Variants in ABCC2 observed in about 807,000 individuals in gnomAD.
ABCC2 encodes the protein ATP-binding cassette sub-family C member 2.
ABCC2 carries 157 observed loss-of-function variants against 173.4 expected under a neutral mutation model. The observed-to-expected ratio is 0.91, with a 90% CI of 0.80 to 1.03. ABCC2 has a LOEUF of 1.03. ABCC2 is among the 50% of genes least tolerant of loss of function. ABCC2 has a pLI of 0.00. For missense variants in ABCC2, 1,822 were observed against 1,852.3 expected (o/e 0.98, Z 0.30); for synonymous variants, 657 against 693.5 (o/e 0.95, Z 0.83).
chr10:99,807,268 C>A (rs1031415313), intron 11 of ABCC2, 116 bp from the exon 12 acceptor site: 35 of 1,332,880 alleles, frequency 2.6e-5, no homozygotes, highest in Non-Finnish European at 3.7e-5. Flanking sequence ...ACTTTATAAT[C>A]TGGATTTCTA....
At chr10:99,850,498 G>T in intron 30 of ABCC2, 104 bp from the exon 31 acceptor site, 1 of 1,121,228 alleles carries the variant, frequency 8.9e-7, no homozygotes, top group Non-Finnish European at 1.3e-6. Flanking sequence ...AATTTTGGAG[G>T]GGGGGTTTTG....
intron 23 of ABCC2, among the ~76,000 whole-genome samples, 192 bp downstream of exon 23, chr10:99,832,323 C>T (rs1365920251): frequency 6.6e-6 from 1 of 152,148 alleles, no homozygotes; most frequent in East Asian, 1.9e-4. Flanking sequence ...CATCTCTGAC[C>T]CTTCAAGTAG....
At chr10:99,795,382 G>A (rs2037882144) in intron 6 of ABCC2, among the ~76,000 whole-genome samples, 1 of 152,154 alleles carries the variant, frequency 6.6e-6, no homozygotes, top group Non-Finnish European at 1.5e-5. Context: ...GTAGTTATGA[G>A]CATAAGTGAG....
At chr10:99,793,470 C>G in intron 3 of ABCC2, 81 bp from the exon 4 acceptor site, 1 of 1,591,138 alleles carries the variant, frequency 6.3e-7, no homozygotes, top group Non-Finnish European at 8.6e-7. Flanking sequence ...TCCTTTCTTC[C>G]CATGTTCTCT....
At chr10:99,851,392 C>G (rs1053086279) in intron 31 of ABCC2, 110 bp from the exon 32 acceptor site, 42 of 1,300,716 alleles carry the variant, frequency 3.2e-5, no homozygotes, top group Non-Finnish European at 4.4e-5. Context: ...ATTTTCACTG[C>G]TTTGTAGCCT....
chr10:99,819,397 C>T, intron 19 of ABCC2, 128 bp downstream of exon 19: 1 of 938,852 alleles, frequency 1.1e-6, no homozygotes, highest in Non-Finnish European at 1.7e-6. Flanking sequence ...GAGATTCAAA[C>T]TCTGCTTTCT....
chr10:99,814,553 G>GTATATATACATA (rs2038336980), intron 16 of ABCC2, among the ~76,000 whole-genome samples: 4 of 111,850 alleles, frequency 3.6e-5, no homozygotes, highest in Non-Finnish European at 7.8e-5. Context: ...ACACATATGT[G>GTATATATACATA]TATATACACA....
chr10:99,813,291 A>C lies in ABCC2; in HGVS notation c.2094+147A>C, dbSNP rs564325433. The C allele has an allele frequency of 5.2e-5, 60 of 1,163,892 alleles. 1 individual carries two copies. In the African/African-American group the frequency reaches 5.8e-4, roughly 11 times the overall value. The allele number at this position is 1,163,892 out of a possible 1,614,324, so 72.1% of individuals were successfully genotyped here. ...TTTGTGGACTGTGATTCTCCTTCCCATTTCAGCTTTATATAATCAGTTGCT... is the reference window on the plus strand; with the variant it reads ...TTTGTGGACTGTGATTCTCCTTCCCCTTTCAGCTTTATATAATCAGTTGCT... On this transcript the variant is annotated intron_variant, in intron 16 of 31. Transcript: ENST00000647814.
At position 99,849,200 on chromosome 10, in the gene ABCC2, A is replaced by G. The variant is rs550046095; in HGVS notation, c.4314-1402A>G. On this transcript the variant is annotated intron_variant, in intron 30 of 31. Coordinates refer to ENST00000647814, the MANE Select transcript of ABCC2 (RefSeq NM_000392.5). ...AGCTGAGATTGCGCCATTGCACTCCAGCCTGGGAGACAAGAGCGAAACTCC... is the reference window on the plus strand; with the variant it reads ...AGCTGAGATTGCGCCATTGCACTCCGGCCTGGGAGACAAGAGCGAAACTCC... Among the ~76,000 whole-genome samples the G allele has an allele frequency of 2.6e-5, 4 of 152,330 alleles. No individual in the cohort carries two copies. The South Asian group carries it at 8.3e-4, about 32-fold the overall frequency.
chr10:99,826,001 T>C (rs908594788), intron 19 of ABCC2, among the ~76,000 whole-genome samples: 3 of 152,240 alleles, frequency 2.0e-5, no homozygotes, highest in Non-Finnish European at 4.4e-5. Flanking sequence ...TTCCCGACAA[T>C]GGTTGCCCAT....
intron 9 of ABCC2, among the ~76,000 whole-genome samples, chr10:99,801,969 A>G (rs2038022648): frequency 1.3e-5 from 2 of 152,304 alleles, no homozygotes; most frequent in East Asian, 1.9e-4. Flanking sequence ...GCCTTCCTCC[A>G]GTTGATTTTT....
Position 99,814,477 on chromosome 10 carries a change from A to G in ABCC2, c.2094+1333A>G, listed in dbSNP as rs1409857669. 1.5e-5 allele frequency among the ~76,000 whole-genome samples: 2 copies of G among 134,940 alleles called. 1 individual carries two copies. The highest frequency in any genetic ancestry group is 1.4e-4 in the Admixed American group (2 of 13,998). The allele number at this position is 134,940 out of a possible 152,430, so 88.5% of individuals were successfully genotyped here. A position where few individuals can be genotyped will look rare whatever the true frequency, so the allele number is the denominator to read the frequency against. ...TATATACATACACACATATGTGTGT[A>G]TATACATACACACAAACATATATGT... On this transcript the variant is annotated intron_variant, in intron 16 of 31. Coordinates refer to ENST00000647814, the MANE Select transcript of ABCC2 (RefSeq NM_000392.5).
chr10:99,850,050 C>T (rs772359641), intron 30 of ABCC2, among the ~76,000 whole-genome samples: 22 of 152,280 alleles, frequency 1.4e-4, no homozygotes, highest in Non-Finnish European at 2.6e-4. Context: ...AAGCAGAAGG[C>T]CTTGAACAAA....
At chr10:99,820,102 C>T (rs192009244) in intron 19 of ABCC2, among the ~76,000 whole-genome samples, 3 of 152,254 alleles carry the variant, frequency 2.0e-5, no homozygotes, top group African/African-American at 7.2e-5. Context: ...TTAAAACCAC[C>T]CTGGGAGGGC....
Position 99,792,373 on chromosome 10 carries a change from C to A in ABCC2, c.333+14C>A, listed in dbSNP as rs757835298. On this transcript the variant is annotated intron_variant, in intron 3 of 31. Transcript: ENST00000647814. ...CTAGGCACATGGGTAAGACCTATAC[C>A]ACTTCTGCCCTGTTTACCTTTTCAT... 21 of 1,613,554 alleles carry A rather than the reference C, an allele frequency of 1.3e-5. No individual in the cohort carries two copies. The African/African-American group carries it at 2.7e-4, about 21-fold the overall frequency.
chr10:99,831,876 G>A (rs760559599), intron 22 of ABCC2, 46 bp downstream of exon 22: 1 of 1,613,134 alleles, frequency 6.2e-7, no homozygotes, highest in Non-Finnish European at 8.5e-7. Context: ...TCTGGACCCT[G>A]TACTTTTCCT....
intron 6 of ABCC2, among the ~76,000 whole-genome samples, chr10:99,796,686 A>G (rs996683991): frequency 6.6e-6 from 1 of 152,026 alleles, no homozygotes; most frequent in East Asian, 1.9e-4. Flanking sequence ...CTCTGTCTCA[A>G]AAAAAACACA....
chr10:99,808,268 T>A (rs773970299), intron 13 of ABCC2, 39 bp downstream of exon 13: 2 of 1,612,034 alleles, frequency 1.2e-6, no homozygotes, highest in East Asian at 2.2e-5. Context: ...CTGTCTCTGG[T>A]TAAAAGCCTT....
intron 23 of ABCC2, among the ~76,000 whole-genome samples, chr10:99,833,717 T>C (rs774522537): frequency 9.9e-5 from 15 of 152,204 alleles, no homozygotes; most frequent in Admixed American, 2.0e-4. Flanking sequence ...TGGAAGACCA[T>C]TATCCCTGAT....
Sources: allele counts gnomAD v4.1 joint callset (sites outside exome capture counted in the v4.1 genomes callset), GRCh38; gene constraint gnomAD v4.1.1; transcripts MANE v1.5; gene names NCBI Gene and HGNC (gene_info 2026-07-23, HGNC 2026-07-21).